The following MYRIP variants were observed in gnomAD, a reference collection of about 807,000 sequenced individuals.
The protein encoded by MYRIP is rab effector MyRIP.
In MYRIP, 49 loss-of-function variants were observed where a neutral mutation model predicts 98.0. The observed-to-expected ratio is 0.50, with a 90% CI of 0.40 to 0.63. MYRIP has a LOEUF of 0.63. Among genes scored for constraint, MYRIP ranks in the 30% least tolerant of loss-of-function variants. MYRIP has a pLI of 0.00. For synonymous variants in MYRIP, 404 were observed against 409.5 expected (o/e 0.99, Z 0.16); for missense variants, 1,004 against 1,058.2 (o/e 0.95, Z 0.71).
chr3:40,196,194 C>T (rs938245326), intron 10 of MYRIP, among the ~76,000 whole-genome samples: 8 of 151,890 alleles, frequency 5.3e-5, no homozygotes, highest in Middle Eastern at 3.4e-3. Flanking sequence ...CCAGCTGTTA[C>T]TTTCATTCAT....
intron 2 of MYRIP, among the ~76,000 whole-genome samples, chr3:40,005,863 CATAT>C (rs933839373): frequency 2.0e-5 from 3 of 152,034 alleles, no homozygotes; most frequent in African/African-American, 7.3e-5. Context: ...TGCATGCACA[CATAT>C]ATATAATTAG....
At chr3:40,257,361 A>G (rs1313309933) in intron 16 of MYRIP, among the ~76,000 whole-genome samples, 1 of 152,188 alleles carries the variant, frequency 6.6e-6, no homozygotes, top group Non-Finnish European at 1.5e-5. Flanking sequence ...TTTTGTGGGA[A>G]TGCAAGGATA....
At chr3:40,130,194 G>T (rs1339282120) in intron 3 of MYRIP, among the ~76,000 whole-genome samples, 2 of 152,118 alleles carry the variant, frequency 1.3e-5, no homozygotes, top group Non-Finnish European at 2.9e-5. Flanking sequence ...ACCCAAGAAT[G>T]ATGTCTACAG....
At chr3:39,820,702 GT>G (rs1214622264) in intron 1 of MYRIP, among the ~76,000 whole-genome samples, 1 of 152,142 alleles carries the variant, frequency 6.6e-6, no homozygotes, top group Non-Finnish European at 1.5e-5. Flanking sequence ...CAGAAATGTT[GT>G]TTTCATTGTT....
intron 2 of MYRIP, among the ~76,000 whole-genome samples, chr3:40,027,032 G>T (rs371557830): frequency 1.3e-5 from 2 of 152,016 alleles, no homozygotes; most frequent in Non-Finnish European, 2.9e-5. Context: ...CACTTAGCTG[G>T]CCCAGCCCTT....
intron 3 of MYRIP, among the ~76,000 whole-genome samples, chr3:40,089,161 T>C (rs17075569): frequency 0.24 from 36,082 of 151,882 alleles, 4,618 homozygotes; most frequent in East Asian, 0.36. Context: ...AGGACTCCAG[T>C]TTTACTGCTA....
At chr3:40,235,698 C>A (rs1952805381) in intron 12 of MYRIP, among the ~76,000 whole-genome samples, 1 of 152,134 alleles carries the variant, frequency 6.6e-6, no homozygotes, top group Non-Finnish European at 1.5e-5. Context: ...TTTCTGAGGA[C>A]CCTGACTTAG....
At chr3:40,071,506 G>T (rs1250363739) in intron 3 of MYRIP, among the ~76,000 whole-genome samples, 1 of 152,170 alleles carries the variant, frequency 6.6e-6, no homozygotes. Flanking sequence ...TTTAGAACAT[G>T]TGTGACGATT....
chr3:39,998,792 A>C (rs1946437566), intron 2 of MYRIP, among the ~76,000 whole-genome samples: 1 of 152,226 alleles, frequency 6.6e-6, no homozygotes, highest in Non-Finnish European at 1.5e-5. Context: ...ACAAGGCTAC[A>C]GTAACCAAAA....
intron 3 of MYRIP, among the ~76,000 whole-genome samples, chr3:40,077,567 T>C (rs1042097755): frequency 2.6e-5 from 4 of 152,186 alleles, no homozygotes; most frequent in Non-Finnish European, 5.9e-5. Flanking sequence ...AGAGTGTCAA[T>C]TGGTGCATTC....
chr3:40,073,906 C>G (rs796738164), intron 3 of MYRIP, among the ~76,000 whole-genome samples: 26 of 152,342 alleles, frequency 1.7e-4, no homozygotes, highest in African/African-American at 5.5e-4. Flanking sequence ...CAATTCTACT[C>G]TCTACCTGTA....
chr3:40,155,934 T>C (rs1462830785), intron 4 of MYRIP, among the ~76,000 whole-genome samples: 2 of 151,902 alleles, frequency 1.3e-5, no homozygotes, highest in African/African-American at 4.8e-5. Context: ...TTCTCCCATT[T>C]TGTAGGTTGC....
chr3:40,013,933 A>C (rs914204156), intron 2 of MYRIP, among the ~76,000 whole-genome samples: 1 of 152,238 alleles, frequency 6.6e-6, no homozygotes, highest in African/African-American at 2.4e-5. Flanking sequence ...TATTCTAAAC[A>C]CAGCTCCTGT....
chr3:40,118,719 A>G (rs1949333361), intron 3 of MYRIP, among the ~76,000 whole-genome samples: 1 of 151,864 alleles, frequency 6.6e-6, no homozygotes, highest in Admixed American at 6.6e-5. Context: ...TGTCATTTAC[A>G]TTAGGTATAT....
chr3:39,862,485 A>T (rs1942501757), intron 1 of MYRIP, among the ~76,000 whole-genome samples: 1 of 152,234 alleles, frequency 6.6e-6, no homozygotes, highest in African/African-American at 2.4e-5. Context: ...TGCAAAAAGC[A>T]GGGATTGCTA....
intron 11 of MYRIP, among the ~76,000 whole-genome samples, chr3:40,213,227 T>C (rs777540598): frequency 1.3e-5 from 2 of 152,194 alleles, no homozygotes; most frequent in East Asian, 1.9e-4. Flanking sequence ...CAGGTTTTCA[T>C]TGTTGATTGA....
chr3:40,060,596 T>TGAGAGAGAGAGAGAGAGAGAGGGAGA (rs1947989318), intron 3 of MYRIP, among the ~76,000 whole-genome samples: 2 of 138,794 alleles, frequency 1.4e-5, no homozygotes, highest in Non-Finnish European at 1.6e-5. Context: ...TTTCTTTTTT[T>TGAGAGAGAGAGAGAGAGAGAGGGAGA]GAGAGAGAGA....
intron 2 of MYRIP, among the ~76,000 whole-genome samples, chr3:39,918,954 T>C (rs950772812): frequency 6.6e-6 from 1 of 152,174 alleles, no homozygotes; most frequent in African/African-American, 2.4e-5. Flanking sequence ...TTCTTAGACT[T>C]GGACAAGGGA....
intron 2 of MYRIP, among the ~76,000 whole-genome samples, chr3:40,020,154 C>G: frequency 6.6e-6 from 1 of 152,178 alleles, no homozygotes; most frequent in Non-Finnish European, 1.5e-5. Context: ...TCTTCCACAT[C>G]TAGTACTCCC....
Sources: gnomAD v4.1 joint callset for allele counts (sites outside exome capture counted in the v4.1 genomes callset) on GRCh38, gnomAD v4.1.1 for gene constraint, MANE v1.5 for transcripts, NCBI Gene and HGNC (gene_info 2026-07-23, HGNC 2026-07-21) for gene names.